PNKD: variants seen among roughly 807,000 people sequenced by gnomAD.
The protein encoded by PNKD is probable thioesterase PNKD.
A neutral mutation model predicts 45.3 loss-of-function variants in PNKD; 36 were observed. The observed-to-expected ratio is 0.80, with a 90% CI of 0.61 to 1.05. The LOEUF (loss-of-function observed/expected upper bound fraction) is 1.05. Among genes scored for constraint, PNKD ranks in the 50% least tolerant of loss-of-function variants. The pLI, the probability that PNKD is intolerant of heterozygous loss-of-function variation, is 0.00. For synonymous variants in PNKD, 197 were observed against 210.1 expected (o/e 0.94, Z 0.54); for missense variants, 511 against 506.6 (o/e 1.01, Z -0.08).
In PNKD at chr2:218,272,728, C is replaced by T. The variant is rs190517400; in HGVS notation, c.236+1179C>T. 8.6e-4 allele frequency: 1,395 copies of T among 1,614,184 alleles called. No individual in the cohort carries two copies. Among genetic ancestry groups the T allele is most frequent in the Middle Eastern group, 5.0e-3 (30 of 6,058 alleles). ...TTCAGGGCTTCCTCCCAGAGTGCCCCGTCCCCTGATGTTGGGTCTGGGGTG... is the reference window on the plus strand; with the variant it reads ...TTCAGGGCTTCCTCCCAGAGTGCCCTGTCCCCTGATGTTGGGTCTGGGGTG... On this transcript the variant is annotated intron_variant, in intron 2 of 9. Coordinates refer to ENST00000273077, the MANE Select transcript of PNKD (RefSeq NM_015488.5).
chr2:218,341,837 T>C, intron 6 of PNKD, 144 bp from the exon 7 acceptor site: 2 of 799,618 alleles, frequency 2.5e-6, no homozygotes, highest in Non-Finnish European at 4.3e-6. Context: ...GGTTCGGACC[T>C]GAGACCCGAG....
intron 2 of PNKD, among the ~76,000 whole-genome samples, chr2:218,289,498 C>T (rs1365301816): frequency 1.3e-5 from 2 of 151,738 alleles, no homozygotes; most frequent in South Asian, 2.1e-4. Flanking sequence ...AAAAATTAGC[C>T]GGGCATGGTG....
chr2:218,293,803 G>T (rs1292743478), intron 2 of PNKD, among the ~76,000 whole-genome samples: 2 of 149,664 alleles, frequency 1.3e-5, no homozygotes, highest in Non-Finnish European at 3.0e-5. Flanking sequence ...GTAGAGATGG[G>T]TTTTCACGTT....
chr2:218,341,727 T>C, intron 6 of PNKD, 101 bp downstream of exon 6: 1 of 941,826 alleles, frequency 1.1e-6, no homozygotes, highest in South Asian at 1.4e-5. Context: ...GGTGGATCTT[T>C]GCCAGTGCCC....
chr2:218,277,951 A>G, intron 2 of PNKD: 1 of 1,614,224 alleles, frequency 6.2e-7, no homozygotes, highest in South Asian at 1.1e-5. Flanking sequence ...GGTCAGCAGA[A>G]TGATGTTCCA....
intron 2 of PNKD, among the ~76,000 whole-genome samples, chr2:218,297,621 GT>G (rs1451659612): frequency 7.2e-6 from 1 of 137,964 alleles, no homozygotes; most frequent in Non-Finnish European, 1.5e-5. Context: ...GGAGACAGAG[GT>G]TGCAGTGAGC....
chr2:218,329,520 C>G (rs1285489857), intron 2 of PNKD, among the ~76,000 whole-genome samples: 1 of 152,242 alleles, frequency 6.6e-6, no homozygotes, highest in African/African-American at 2.4e-5. Flanking sequence ...TGCTTCTGGT[C>G]CTAGCCAAGA....
chr2:218,326,589 G>C lies in PNKD; in HGVS notation c.237-13194G>C, dbSNP rs1694160396. Among the ~76,000 whole-genome samples the C allele has an allele frequency of 6.6e-6, 1 of 152,132 alleles. No homozygotes were observed. Among genetic ancestry groups the C allele is most frequent in the Non-Finnish European group, 1.5e-5 (1 of 68,030 alleles). On this transcript the variant is annotated intron_variant, in intron 2 of 9. Coordinates refer to ENST00000273077, the MANE Select transcript of PNKD (RefSeq NM_015488.5). This position sits in a 1 kb window ranked among gnomAD's most constrained non-coding sequence, Gnocchi z 4.1. ...AATGAAACCGCATCTAAAATACACA[G>C]GGCCTGGCTCAAAAAGAGTGTTCAG...
intron 2 of PNKD, among the ~76,000 whole-genome samples, chr2:218,315,018 T>TTTTC (rs1559521164): frequency 3.1e-3 from 7 of 2,290 alleles, no homozygotes; most frequent in Admixed American, 0.021. Context: ...TTCTTTTTCT[T>TTTTC]TCTTTCTTTC....
chr2:218,344,235 GTGGT>G (rs1694762820), intron 8 of PNKD, among the ~76,000 whole-genome samples: 1 of 152,198 alleles, frequency 6.6e-6, no homozygotes, highest in African/African-American at 2.4e-5. Flanking sequence ...TCCAGGTCTA[GTGGT>G]TTTTTCCCCT....
intron 2 of PNKD, among the ~76,000 whole-genome samples, chr2:218,307,588 G>A (rs1431631343): frequency 6.6e-6 from 1 of 152,212 alleles, no homozygotes; most frequent in East Asian, 1.9e-4. Context: ...TGGAGCAGCT[G>A]TAAATACAGG....
At chr2:218,289,155 C>T (rs550398561) in intron 2 of PNKD, among the ~76,000 whole-genome samples, 2 of 152,332 alleles carry the variant, frequency 1.3e-5, no homozygotes, top group African/African-American at 2.4e-5. Context: ...AAGATCAAAA[C>T]GATAGATAGA....
intron 2 of PNKD, among the ~76,000 whole-genome samples, chr2:218,299,900 C>T (rs920328805): frequency 4.6e-5 from 7 of 151,974 alleles, no homozygotes; most frequent in Admixed American, 6.6e-5. Context: ...GGATTACAGG[C>T]GTGAGCCACC....
rs766885440 is a variant in PNKD at position 218,344,806 on chromosome 2, A to G, written c.985-2A>G. 6.2e-7 allele frequency: 1 copy of G among 1,613,708 alleles called. No homozygotes were observed. Among genetic ancestry groups the G allele is most frequent in the East Asian group, 2.2e-5 (1 of 44,874 alleles). On this transcript the variant is annotated splice_acceptor_variant, in intron 9 of 9. Transcript: ENST00000273077. LOFTEE classifies it high-confidence loss of function. ...ACCAAACCTGGTTCCTCTCACCCAC[A>G]GTGCCCATCTACCCTGGGAGAGGAG... is the stretch of plus-strand genomic sequence containing the variant.
At chr2:218,325,204 T>TTTTTTTTTTTTTTTTTTTTTTTC (rs1694116821) in intron 2 of PNKD, among the ~76,000 whole-genome samples, 1 of 116,076 alleles carries the variant, frequency 8.6e-6, no homozygotes, top group African/African-American at 3.2e-5. Context: ...CGGCCTTTTT[T>TTTTTTTTTTTTTTTTTTTTTTTC]TTTTTTTTTT....
At chr2:218,308,640 G>T (rs1261318103) in intron 2 of PNKD, among the ~76,000 whole-genome samples, 1 of 150,896 alleles carries the variant, frequency 6.6e-6, no homozygotes, top group Non-Finnish European at 1.5e-5. Context: ...AGGCTGGAGT[G>T]CAATAGCATA....
intron 2 of PNKD, among the ~76,000 whole-genome samples, chr2:218,322,227 T>C (rs1174379263): frequency 6.6e-6 from 1 of 152,180 alleles, no homozygotes; most frequent in Non-Finnish European, 1.5e-5. Flanking sequence ...TGGCCGAGCT[T>C]GACTCTTTAG....
intron 2 of PNKD, chr2:218,290,136 C>T (rs145314280): frequency 2.0e-5 from 3 of 152,342 alleles, no homozygotes; most frequent in East Asian, 1.9e-4. Flanking sequence ...AAAGAACACG[C>T]CCCAGGAGAC....
rs1461508918 is a variant in PNKD, at chr2:218,278,204, A to G, written c.236+6655A>G. 2.6e-5 allele frequency: 16 copies of G among 608,674 alleles called. No homozygotes were observed. The East Asian group carries it at 3.9e-4, about 15-fold the overall frequency. The allele number at this position is 608,674 out of a possible 1,614,324, so 37.7% of individuals were successfully genotyped here. A position where few individuals can be genotyped will look rare whatever the true frequency, so the allele number is the denominator to read the frequency against. ...CCAGAAACACCTGGATTGGTTTGCA[A>G]CTCTTAAACTGACTGCCTGTGTGAT... On this transcript the variant is annotated intron_variant, in intron 2 of 9. Coordinates refer to ENST00000273077, the MANE Select transcript of PNKD (RefSeq NM_015488.5).
Sources: allele counts gnomAD v4.1 joint callset (sites outside exome capture counted in the v4.1 genomes callset), GRCh38; gene constraint gnomAD v4.1.1; non-coding constraint Gnocchi (gnomAD v3.1); transcripts MANE v1.5; gene names NCBI Gene and HGNC (gene_info 2026-07-23, HGNC 2026-07-21).